ESR1: variants seen among roughly 807,000 people sequenced by gnomAD.
ESR1 encodes estrogen receptor.
In ESR1, 12 loss-of-function variants were observed where a neutral mutation model predicts 52.7. The observed-to-expected ratio is 0.23, with a 90% CI of 0.15 to 0.37. The LOEUF (loss-of-function observed/expected upper bound fraction) is 0.37, where lower values mean the gene tolerates loss of function less well. Ranked by LOEUF, ESR1 falls within the 10% of genes least tolerant of loss-of-function variation. The probability of loss-of-function intolerance (pLI) is 1.00; values close to 1 mark genes in which losing one functional copy is unlikely to be tolerated. For missense variants in ESR1, 584 were observed against 779.7 expected (o/e 0.75, Z 2.99); for synonymous variants, 305 against 316.8 (o/e 0.96, Z 0.39).
At chr6:152,046,957 T>G (rs1490618966) in intron 5 of ESR1, among the ~76,000 whole-genome samples, 2 of 152,210 alleles carry the variant, frequency 1.3e-5, no homozygotes, top group African/African-American at 4.8e-5. Flanking sequence ...AGAACACTTT[T>G]TCCTAGCCTT....
chr6:151,883,308 T>G lies in ESR1; in HGVS notation c.760+2537T>G, dbSNP rs1270186642. On this transcript the variant is annotated intron_variant, in intron 3 of 7. Coordinates refer to ENST00000206249, the MANE Select transcript of ESR1 (RefSeq NM_000125.4). ...CTAATTTTTGTGTTTTTTTTTTTTG[T>G]AGAGACGGAGTTTCACTCTATGTTG... Among the ~76,000 whole-genome samples the G allele has an allele frequency of 2.8e-5, 4 of 144,776 alleles. No homozygotes were observed. The East Asian group carries it at 8.0e-4, about 29-fold the overall frequency. 95.0% of individuals were successfully genotyped at this position (144,776 alleles called of 152,430 possible).
At chr6:152,044,144 A>G (rs2046031437) in intron 5 of ESR1, among the ~76,000 whole-genome samples, 2 of 152,194 alleles carry the variant, frequency 1.3e-5, no homozygotes, top group African/African-American at 4.8e-5. Context: ...TATTAGGTAT[A>G]AAGTCACTAA....
At chr6:151,923,544 T>C (rs1309225088) in intron 3 of ESR1, among the ~76,000 whole-genome samples, 4 of 152,216 alleles carry the variant, frequency 2.6e-5, no homozygotes, top group Non-Finnish European at 4.4e-5. Context: ...CTTTCTTTTG[T>C]CTCTTCTAGA....
intron 3 of ESR1, among the ~76,000 whole-genome samples, chr6:151,912,463 T>C (rs1023976670): frequency 6.6e-6 from 1 of 152,220 alleles, no homozygotes; most frequent in African/African-American, 2.4e-5. Context: ...GTTATCTCCT[T>C]TGCAATCCAT....
intron 3 of ESR1, among the ~76,000 whole-genome samples, chr6:151,943,328 C>T (rs892985570): frequency 6.6e-5 from 10 of 150,956 alleles, no homozygotes; most frequent in South Asian, 2.1e-4. Flanking sequence ...TGCAGTGGGC[C>T]GAGATCCCGC....
At chr6:151,693,344 A>G (rs1209219527) in intron 1 of ESR1, among the ~76,000 whole-genome samples, 2 of 152,214 alleles carry the variant, frequency 1.3e-5, no homozygotes, top group African/African-American at 4.8e-5. Context: ...AGCAAAGGGC[A>G]GTCAATCCAA....
intron 2 of ESR1, among the ~76,000 whole-genome samples, chr6:151,789,989 G>GC (rs936231714): frequency 1.3e-5 from 2 of 152,094 alleles, no homozygotes; most frequent in Admixed American, 1.3e-4. Flanking sequence ...GTTGGGAGCT[G>GC]CCCCCCCTCA....
chr6:151,983,699 T>A (rs1331905096), intron 4 of ESR1: 1 of 152,162 alleles, frequency 6.6e-6, no homozygotes, highest in Non-Finnish European at 1.5e-5. Context: ...AGGTCTGTTA[T>A]CATTTGCTTA....
At chr6:151,803,513 GA>G (rs1777467189), upstream of ESR1, among the ~76,000 whole-genome samples, 1 of 152,176 alleles carries the variant, frequency 6.6e-6, no homozygotes, top group Non-Finnish European at 1.5e-5. Flanking sequence ...GTTATGGGCA[GA>G]GAGGAAGCCC....
intron 1 of ESR1, chr6:151,810,913 T>C (rs1158727432): frequency 2.0e-5 from 3 of 152,210 alleles, no homozygotes; most frequent in African/African-American, 7.2e-5. Flanking sequence ...CAAAAGGCTA[T>C]TTTGATTGTC....
intron 6 of ESR1, among the ~76,000 whole-genome samples, chr6:152,110,957 C>T (rs1273622381): frequency 6.6e-6 from 1 of 152,110 alleles, no homozygotes; most frequent in African/African-American, 2.4e-5. Context: ...AGGCCCCTTT[C>T]CTGCCTCTGC....
chr6:152,046,843 C>T (rs1019196937), intron 5 of ESR1, among the ~76,000 whole-genome samples: 2 of 152,114 alleles, frequency 1.3e-5, no homozygotes, highest in African/African-American at 4.8e-5. Flanking sequence ...GCTGGCAATT[C>T]TAAGAGGAAG....
intron 2 of ESR1, among the ~76,000 whole-genome samples, chr6:151,844,159 C>T (rs987009206): frequency 6.6e-6 from 1 of 151,096 alleles, no homozygotes; most frequent in Non-Finnish European, 1.5e-5. Context: ...TTTTTCTAAA[C>T]ATATATAAAT....
intron 2 of ESR1, among the ~76,000 whole-genome samples, chr6:151,767,570 TA>T (rs1785167285): frequency 6.6e-6 from 1 of 152,204 alleles, no homozygotes; most frequent in African/African-American, 2.4e-5. Flanking sequence ...GATAGGTAAA[TA>T]TATTTCAAGA....
In ESR1 at chr6:151,807,845, G is replaced by A; in HGVS notation, c.-68G>A. 1 of 1,405,360 alleles carries A rather than the reference G, an allele frequency of 7.1e-7. No individual in the cohort carries two copies. Among genetic ancestry groups the A allele is most frequent in the South Asian group, 1.2e-5 (1 of 84,048 alleles). The allele number at this position is 1,405,360 out of a possible 1,614,324, so 87.1% of individuals were successfully genotyped here. A position where few individuals can be genotyped will look rare whatever the true frequency, so the allele number is the denominator to read the frequency against. On this transcript the variant is annotated 5_prime_UTR_variant, in exon 1 of 8. An upstream open reading frame in the 5' UTR gains an earlier in-frame stop. Coordinates refer to ENST00000206249, the MANE Select transcript of ESR1 (RefSeq NM_000125.4). ...CTCGGGCTGTGCTCTTTTTCCAGGT[G>A]GCCCGCCGGTTTCTGAGCCTTCTGC... is the stretch of plus-strand genomic sequence containing the variant.
At chr6:151,731,527 T>G (rs2128040674) in intron 2 of ESR1, among the ~76,000 whole-genome samples, 1 of 152,116 alleles carries the variant, frequency 6.6e-6, no homozygotes, top group East Asian at 1.9e-4. Context: ...CGGTTAGAAA[T>G]GGTGCCAGGT....
chr6:151,946,184 A>C (rs1309560234), intron 4 of ESR1, among the ~76,000 whole-genome samples: 1 of 152,186 alleles, frequency 6.6e-6, no homozygotes, highest in East Asian at 1.9e-4. Context: ...ACAAACAAGC[A>C]AAGAAACTAA....
At chr6:151,793,791 G>A (rs17081683) in intron 2 of ESR1, among the ~76,000 whole-genome samples, 10,513 of 152,196 alleles carry the variant, frequency 0.069, 491 homozygotes, top group Non-Finnish European at 0.092. Context: ...AAGTGACCTC[G>A]AAGTCTAGTA....
chr6:152,122,787 GC>G (rs2051765305), intron 6 of ESR1: 1 of 1,548,512 alleles, frequency 6.5e-7, no homozygotes, highest in African/African-American at 1.4e-5. Flanking sequence ...GCACACCCCA[GC>G]CTGGCGATCA....
Sources: allele counts gnomAD v4.1 joint callset (sites outside exome capture counted in the v4.1 genomes callset), GRCh38; gene constraint gnomAD v4.1.1; transcripts MANE v1.5; gene names NCBI Gene and HGNC (gene_info 2026-07-23, HGNC 2026-07-21).